The following DIS3L2 variants were observed in gnomAD, a reference collection of about 807,000 sequenced individuals.
DIS3L2 encodes the protein DIS3 like 3'-5' exoribonuclease 2, also known as DIS3-like exonuclease 2.
A neutral mutation model predicts 97.5 loss-of-function variants in DIS3L2; 34 were observed. The observed-to-expected ratio is 0.35, with a 90% confidence interval of 0.27 to 0.46. The LOEUF (loss-of-function observed/expected upper bound fraction) is 0.46, where lower values mean the gene tolerates loss of function less well. DIS3L2 is among the 20% of genes least tolerant of loss of function. DIS3L2 has a pLI of 1.00. For synonymous variants in DIS3L2, 435 were observed against 445.2 expected, an observed-to-expected ratio of 0.98 and a Z score of 0.29; for missense variants, 1,038 against 1,146.0, an observed-to-expected ratio of 0.91 and a Z score of 1.36.
intron 13 of DIS3L2, among the ~76,000 whole-genome samples, chr2:232,290,587 T>C (rs1270326161): frequency 6.6e-6 from 1 of 152,204 alleles, no homozygotes; most frequent in Admixed American, 6.5e-5. Context: ...ACCCTCCCTG[T>C]GGGTTGACCA....
intron 16 of DIS3L2, 87 bp from the exon 17 acceptor site, chr2:232,333,753 G>T: frequency 2.0e-6 from 3 of 1,486,538 alleles, no homozygotes; most frequent in Non-Finnish European, 1.8e-6. Context: ...CATCGCTGCC[G>T]ACGGTGAGGC....
chr2:232,205,324 C>T (rs1692001731), intron 9 of DIS3L2, among the ~76,000 whole-genome samples: 2 of 151,414 alleles, frequency 1.3e-5, no homozygotes, highest in Admixed American at 6.6e-5. Context: ...GTCGTGATCT[C>T]AGCTTATTGC....
intron 10 of DIS3L2, among the ~76,000 whole-genome samples, chr2:232,236,404 G>A (rs60356568): frequency 0.21 from 32,060 of 152,130 alleles, 5,729 homozygotes; most frequent in African/African-American, 0.49. Flanking sequence ...AGTCATAATG[G>A]AAAGGGAATT....
rs1691612406 is a variant in DIS3L2 at position 232,191,301 on chromosome 2, C to G, written c.1125-19025C>G. ...CCTTTTTGGAAATTGCCTTCAGAGC[C>G]TGAGGCACATTTTCAACAATGGGAA... On this transcript the variant is annotated intron_variant, in intron 9 of 20. Transcript: ENST00000325385. 1.3e-5 allele frequency among the ~76,000 whole-genome samples: 2 copies of G among 152,106 alleles called. 1 individual carries two copies. The highest frequency in any genetic ancestry group is 4.1e-4 in the South Asian group (2 of 4,824).
At chr2:232,249,601 C>T (rs1048669525) in intron 12 of DIS3L2, among the ~76,000 whole-genome samples, 28 of 152,170 alleles carry the variant, frequency 1.8e-4, no homozygotes, top group African/African-American at 6.0e-4. Flanking sequence ...ATTGAGTAAG[C>T]AGAGTGATGC....
intron 5 of DIS3L2, among the ~76,000 whole-genome samples, chr2:232,040,385 T>A (rs1441011997): frequency 6.6e-6 from 1 of 152,156 alleles, no homozygotes; most frequent in African/African-American, 2.4e-5. Context: ...CAAGGGAAAC[T>A]GAAAGGGGGA....
At chr2:232,005,915 C>T (rs1395329489) in intron 1 of DIS3L2, among the ~76,000 whole-genome samples, 7 of 152,112 alleles carry the variant, frequency 4.6e-5, no homozygotes, top group African/African-American at 7.2e-5. Flanking sequence ...TGGCTGGGCG[C>T]GGTGGCTCAT....
At chr2:232,079,081 A>G (rs984371520) in intron 5 of DIS3L2, among the ~76,000 whole-genome samples, 3 of 152,240 alleles carry the variant, frequency 2.0e-5, no homozygotes, top group Admixed American at 6.5e-5. Context: ...GGAGTTTATC[A>G]GGGAAGATAG....
chr2:232,245,270 G>T (rs893168111), intron 11 of DIS3L2, among the ~76,000 whole-genome samples: 2 of 152,166 alleles, frequency 1.3e-5, no homozygotes, highest in African/African-American at 4.8e-5. Context: ...GCTGACCTGG[G>T]TGCATGGACT....
chr2:231,969,337 G>A, intron 1 of DIS3L2, among the ~76,000 whole-genome samples: 1 of 136,974 alleles, frequency 7.3e-6, no homozygotes, highest in Non-Finnish European at 1.5e-5. Context: ...TTGAGTTGGA[G>A]TCTCGTTCTA....
At chr2:231,979,644 C>T (rs1693194278) in intron 1 of DIS3L2, among the ~76,000 whole-genome samples, 1 of 151,454 alleles carries the variant, frequency 6.6e-6, no homozygotes, top group Admixed American at 6.6e-5. Flanking sequence ...GTGGTGTGAT[C>T]TCGGCTCACT....
chr2:232,254,437 T>C (rs1693501683), intron 12 of DIS3L2, among the ~76,000 whole-genome samples: 1 of 152,198 alleles, frequency 6.6e-6, no homozygotes, highest in Non-Finnish European at 1.5e-5. Context: ...ATAGCGGTTA[T>C]GTTTGGGTAG....
intron 16 of DIS3L2, among the ~76,000 whole-genome samples, chr2:232,332,418 T>G (rs1225663510): frequency 6.6e-6 from 1 of 151,384 alleles, no homozygotes; most frequent in Non-Finnish European, 1.5e-5. Flanking sequence ...CACAGGAGGG[T>G]GAGTGTGTAC....
At chr2:232,185,990 T>A (rs1013400879) in intron 9 of DIS3L2, among the ~76,000 whole-genome samples, 16 of 152,168 alleles carry the variant, frequency 1.1e-4, no homozygotes, top group Non-Finnish European at 1.5e-4. Context: ...TCTTTTTTTT[T>A]AAAACTTTGA....
At chr2:232,235,726 A>G (rs1559168095) in intron 10 of DIS3L2, among the ~76,000 whole-genome samples, 1 of 152,234 alleles carries the variant, frequency 6.6e-6, no homozygotes, top group Non-Finnish European at 1.5e-5. Flanking sequence ...CCAATATATT[A>G]TAATGCTGAC....
At chr2:232,164,309 A>G (rs1226697843) in intron 9 of DIS3L2, among the ~76,000 whole-genome samples, 2 of 152,198 alleles carry the variant, frequency 1.3e-5, no homozygotes, top group East Asian at 1.9e-4. Flanking sequence ...TGGTATTTTT[A>G]TAACAACATC....
In DIS3L2 at chr2:232,030,219, A is replaced by G. The variant is rs139972896; in HGVS notation, c.366+139A>G. ...TAAGATGGGGTGTAATCTTGGAAGCATGCTACCGAATGCTTGGAACTTAGA... is the reference window on the plus strand; with the variant it reads ...TAAGATGGGGTGTAATCTTGGAAGCGTGCTACCGAATGCTTGGAACTTAGA... On this transcript the variant is annotated intron_variant, in intron 5 of 20. Transcript: ENST00000325385. 4.0e-5 allele frequency: 27 copies of G among 676,050 alleles called. No homozygotes were observed. In the East Asian group the frequency reaches 7.8e-4, roughly 19 times the overall value. 41.9% of individuals were successfully genotyped at this position (676,050 alleles called of 1,614,324 possible).
intron 7 of DIS3L2, among the ~76,000 whole-genome samples, chr2:232,134,477 A>G (rs1574900895): frequency 6.6e-6 from 1 of 152,146 alleles, no homozygotes; most frequent in South Asian, 2.1e-4. Flanking sequence ...TAGTGGAAGG[A>G]CCAGAAGATA....
chr2:232,256,014 G>T (rs1256637230), intron 12 of DIS3L2, among the ~76,000 whole-genome samples: 1 of 152,202 alleles, frequency 6.6e-6, no homozygotes. Flanking sequence ...GTGGCCTCCT[G>T]ACTGTCCTTG....
Sources: gnomAD v4.1 joint callset for allele counts (sites outside exome capture counted in the v4.1 genomes callset) on GRCh38, gnomAD v4.1.1 for gene constraint, MANE v1.5 for transcripts, NCBI Gene and HGNC (gene_info 2026-07-23, HGNC 2026-07-21) for gene names.